The following RHEB variants were observed in gnomAD, a reference collection of about 807,000 sequenced individuals.
RHEB encodes Ras homolog, mTORC1 binding, also known as GTP-binding protein Rheb.
A neutral mutation model predicts 28.8 loss-of-function variants in RHEB; 2 were observed. The ratio of observed to expected loss-of-function variants is 0.07; its 90% CI spans 0.03 to 0.22. RHEB has a LOEUF of 0.22. Among genes scored for constraint, RHEB ranks in the 10% least tolerant of loss-of-function variants. RHEB has a pLI of 1.00. For missense variants in RHEB, 76 were observed against 219.9 expected (o/e 0.35, Z 4.14); for synonymous variants, 69 against 77.3 (o/e 0.89, Z 0.56).
Position 151,497,943 on chromosome 7 carries a change from C to A in RHEB, c.53-6929G>T, listed in dbSNP as rs148721463. On this transcript the variant is annotated intron_variant, in intron 1 of 7. Transcript: ENST00000262187. ...AAATATACTTAAAAATCCAACGGGG[C>A]ATATTGATTAGGCTCCCCTTTGCTC... The A allele has an allele frequency of 9.3e-4, 349 of 374,442 alleles. 1 individual carries two copies. The highest frequency in any genetic ancestry group is 7.1e-3 in the African/African-American group (334 of 47,366). The allele number at this position is 374,442 out of a possible 1,614,324, so 23.2% of individuals were successfully genotyped here.
intron 3 of RHEB, among the ~76,000 whole-genome samples, chr7:151,480,973 A>G (rs1802373486): frequency 6.6e-6 from 1 of 152,124 alleles, no homozygotes; most frequent in Non-Finnish European, 1.5e-5. Context: ...TGTGAATCTA[A>G]GTTATTAACC....
chr7:151,503,049 C>T (rs1182446574), intron 1 of RHEB: 9 of 788,108 alleles, frequency 1.1e-5, no homozygotes, highest in Admixed American at 1.7e-5. Flanking sequence ...ACCCAGGACA[C>T]GCGAAAGTAC....
chr7:151,472,934 G>T lies in RHEB; in HGVS notation c.276-1329C>A, dbSNP rs551584999. ...GCATTACAGAACCACGGTTTCCTCC[G>T]CATGCTGTATTTGCCTATCTTTAAA... is the stretch of plus-strand genomic sequence containing the variant. On this transcript the variant is annotated intron_variant, in intron 4 of 7. Coordinates refer to ENST00000262187, the MANE Select transcript of RHEB (RefSeq NM_005614.4). This position sits in a 1 kb window ranked among gnomAD's most constrained non-coding sequence, Gnocchi z 5.2. Among the ~76,000 whole-genome samples, 1 of 152,180 alleles carries T rather than the reference G, an allele frequency of 6.6e-6. No homozygotes were observed. Among genetic ancestry groups the T allele is most frequent in the Non-Finnish European group, 1.5e-5 (1 of 68,034 alleles).
At chr7:151,501,883 G>T (rs1802778233) in intron 1 of RHEB, 3 of 656,094 alleles carry the variant, frequency 4.6e-6, no homozygotes, top group Non-Finnish European at 8.5e-6. Flanking sequence ...AGAAGATGGT[G>T]GACGACCCCA....
intron 2 of RHEB, among the ~76,000 whole-genome samples, chr7:151,487,701 A>G (rs1802505547): frequency 6.6e-6 from 1 of 152,138 alleles, no homozygotes; most frequent in African/African-American, 2.4e-5. Flanking sequence ...CTCGGAAATA[A>G]TTCTACTGTC....
intron 1 of RHEB, chr7:151,502,957 T>C (rs1345051567): frequency 1.3e-6 from 1 of 784,586 alleles, no homozygotes; most frequent in Non-Finnish European, 2.4e-6. Flanking sequence ...TCAATCAAGC[T>C]ACTGAGTTAT....
intron 2 of RHEB, among the ~76,000 whole-genome samples, chr7:151,485,132 A>G (rs976618111): frequency 5.3e-5 from 8 of 152,220 alleles, no homozygotes; most frequent in African/African-American, 1.7e-4. Flanking sequence ...GAAATATACT[A>G]CGTAAAGTCT....
intron 1 of RHEB, among the ~76,000 whole-genome samples, chr7:151,512,808 T>C (rs1052459561): frequency 6.6e-6 from 1 of 152,092 alleles, no homozygotes; most frequent in South Asian, 2.1e-4. Context: ...CTCTAAGGGG[T>C]TTACCAAAAT....
intron 1 of RHEB, among the ~76,000 whole-genome samples, chr7:151,507,155 G>A (rs995765253): frequency 5.9e-5 from 9 of 152,154 alleles, no homozygotes; most frequent in African/African-American, 1.9e-4. Context: ...GACTCACCTG[G>A]CTTATAAATG....
chr7:151,486,552 G>A (rs985054276), intron 2 of RHEB, among the ~76,000 whole-genome samples: 2 of 152,334 alleles, frequency 1.3e-5, no homozygotes, highest in South Asian at 4.1e-4. Flanking sequence ...TGCAGCTAAA[G>A]CTCAGAGAGA....
At chr7:151,496,800 GAC>G (rs1468246061) in intron 1 of RHEB, among the ~76,000 whole-genome samples, 1 of 152,026 alleles carries the variant, frequency 6.6e-6, no homozygotes, top group East Asian at 1.9e-4. Flanking sequence ...GTTTTTTTGA[GAC>G]AGAGTCTTGC....
At chr7:151,506,459 C>T (rs1422982730) in intron 1 of RHEB, among the ~76,000 whole-genome samples, 1 of 152,026 alleles carries the variant, frequency 6.6e-6, no homozygotes, top group East Asian at 1.9e-4. Flanking sequence ...CATAATGGTA[C>T]CTATCCTATA....
At chr7:151,475,266 AAG>A (rs1477559941) in intron 4 of RHEB, among the ~76,000 whole-genome samples, 2 of 152,210 alleles carry the variant, frequency 1.3e-5, no homozygotes, top group Non-Finnish European at 2.9e-5. Context: ...CACACCAAAA[AAG>A]AGACTTAAAA....
At position 151,505,952 on chromosome 7, in the gene RHEB, T is replaced by C. The variant is rs191541782; in HGVS notation, c.52+13508A>G. On this transcript the variant is annotated intron_variant, in intron 1 of 7. Coordinates refer to ENST00000262187, the MANE Select transcript of RHEB (RefSeq NM_005614.4). The stretch of plus-strand genomic sequence containing the variant: ...GGTAAGAAAAACTAACCCAGAGTGA[T>C]GGAGAGCAGATCAGTGCTTCCCGGG... 6.5e-4 allele frequency among the ~76,000 whole-genome samples: 99 copies of C among 152,252 alleles called. 1 individual carries two copies. In the East Asian group the frequency reaches 0.017, roughly 26 times the overall value.
intron 1 of RHEB, among the ~76,000 whole-genome samples, chr7:151,506,035 A>G (rs969945027): frequency 6.6e-6 from 1 of 152,182 alleles, no homozygotes; most frequent in Admixed American, 6.5e-5. Context: ...GGAATGTTTC[A>G]TATTTTGATA....
intron 2 of RHEB, among the ~76,000 whole-genome samples, chr7:151,486,054 G>A (rs1041508345): frequency 2.0e-5 from 3 of 152,298 alleles, no homozygotes; most frequent in Non-Finnish European, 4.4e-5. Context: ...ATTCAGATTT[G>A]TTTTTACACC....
At chr7:151,497,923 T>C (rs778882500) in intron 1 of RHEB, among the ~76,000 whole-genome samples, 12 of 152,226 alleles carry the variant, frequency 7.9e-5, no homozygotes, top group African/African-American at 1.4e-4. Context: ...TATTTAAATA[T>C]ACTTAAAAAT....
chr7:151,488,822 T>G (rs1032952727), intron 2 of RHEB, among the ~76,000 whole-genome samples: 3 of 152,234 alleles, frequency 2.0e-5, no homozygotes, highest in African/African-American at 7.2e-5. Flanking sequence ...AGGGTCATAT[T>G]ACTCTGTTTC....
At chr7:151,478,939 T>A (rs994639528) in intron 3 of RHEB, among the ~76,000 whole-genome samples, 1 of 139,350 alleles carries the variant, frequency 7.2e-6, no homozygotes, top group African/African-American at 3.2e-5. Flanking sequence ...CCAGTCTGAT[T>A]TTTTTTTTTT....
Sources: gnomAD v4.1 joint callset for allele counts (sites outside exome capture counted in the v4.1 genomes callset) on GRCh38, gnomAD v4.1.1 for gene constraint, Gnocchi (gnomAD v3.1) non-coding constraint, MANE v1.5 for transcripts, NCBI Gene and HGNC (gene_info 2026-07-23, HGNC 2026-07-21) for gene names.